GALNT17: variants seen among roughly 807,000 people sequenced by gnomAD.
GALNT17 encodes the protein UDP-GalNAc:polypeptide N-acetylgalactosaminyltransferase-like 3.
GALNT17 carries 29 observed loss-of-function variants against 63.7 expected under a neutral mutation model. The observed-to-expected ratio is 0.46, with a 90% CI of 0.34 to 0.62. The LOEUF is 0.62. Among genes scored for constraint, GALNT17 ranks in the 20% least tolerant of loss-of-function variants. The pLI is 0.01. For synonymous variants in GALNT17, 305 were observed against 318.3 expected (o/e 0.96, Z 0.45); for missense variants, 603 against 799.6 (o/e 0.75, Z 2.97).
At chr7:71,646,631 C>A (rs1584110583) in intron 6 of GALNT17, among the ~76,000 whole-genome samples, 1 of 152,076 alleles carries the variant, frequency 6.6e-6, no homozygotes, top group South Asian at 2.1e-4. Flanking sequence ...TTGGCTGTAA[C>A]AAAAGCAAGT....
At chr7:71,331,322 A>G (rs1315101553) in intron 1 of GALNT17, among the ~76,000 whole-genome samples, 1 of 152,118 alleles carries the variant, frequency 6.6e-6, no homozygotes, top group East Asian at 1.9e-4. Flanking sequence ...CATCTCTCGC[A>G]CAGGCTGCTG....
chr7:71,602,377 A>G (rs937346952), intron 6 of GALNT17, among the ~76,000 whole-genome samples: 19 of 152,166 alleles, frequency 1.2e-4, no homozygotes, highest in African/African-American at 3.6e-4. Flanking sequence ...CTCCCAGCAC[A>G]CACCCCAAAA....
At chr7:71,553,224 G>A (rs1562688237) in intron 5 of GALNT17, among the ~76,000 whole-genome samples, 1 of 152,000 alleles carries the variant, frequency 6.6e-6, no homozygotes, top group Non-Finnish European at 1.5e-5. Context: ...CTACTTTGGG[G>A]GCTGAGGTGG....
chr7:71,671,172 A>C (rs1052204437), intron 8 of GALNT17, among the ~76,000 whole-genome samples: 43 of 152,116 alleles, frequency 2.8e-4, no homozygotes, highest in Non-Finnish European at 7.3e-5. Flanking sequence ...TGCTGAGAAC[A>C]TCTTCATATA....
chr7:71,462,798 G>C (rs888986651), intron 5 of GALNT17, among the ~76,000 whole-genome samples: 9 of 152,194 alleles, frequency 5.9e-5, no homozygotes, highest in Admixed American at 2.0e-4. Context: ...TGAGCAGAGA[G>C]ATAACTTTGA....
intron 2 of GALNT17, among the ~76,000 whole-genome samples, chr7:71,358,022 A>C (rs1294294151): frequency 1.3e-5 from 2 of 152,240 alleles, no homozygotes; most frequent in Non-Finnish European, 2.9e-5. Flanking sequence ...CCCAGCCAGC[A>C]GCGGCAACCC....
intron 5 of GALNT17, among the ~76,000 whole-genome samples, chr7:71,551,584 G>A (rs1285309063): frequency 6.6e-6 from 1 of 151,934 alleles, no homozygotes; most frequent in Non-Finnish European, 1.5e-5. Context: ...GCAACATAGT[G>A]AAATACTGTC....
At chr7:71,262,204 T>C (rs1790397409) in intron 1 of GALNT17, among the ~76,000 whole-genome samples, 1 of 152,130 alleles carries the variant, frequency 6.6e-6, no homozygotes, top group Non-Finnish European at 1.5e-5. Flanking sequence ...TTCAAACTCC[T>C]GGGCTCAAGT....
At chr7:71,455,159 C>A (rs1469211468) in intron 5 of GALNT17, among the ~76,000 whole-genome samples, 1 of 148,826 alleles carries the variant, frequency 6.7e-6, no homozygotes, top group African/African-American at 2.5e-5. Context: ...AGAGCAAAAT[C>A]TTGTTTCAAA....
chr7:71,169,374 G>A (rs1788503904), intron 1 of GALNT17, among the ~76,000 whole-genome samples: 1 of 152,024 alleles, frequency 6.6e-6, no homozygotes, highest in Non-Finnish European at 1.5e-5. Flanking sequence ...CTGTCTCTTG[G>A]GGATAACTGT....
At chr7:71,280,726 C>G (rs1331302310) in intron 1 of GALNT17, among the ~76,000 whole-genome samples, 1 of 152,170 alleles carries the variant, frequency 6.6e-6, no homozygotes, top group Non-Finnish European at 1.5e-5. Context: ...ATTTTCACCC[C>G]TGGAGAAAGA....
At chr7:71,257,378 T>A (rs980342438) in intron 1 of GALNT17, among the ~76,000 whole-genome samples, 1 of 152,212 alleles carries the variant, frequency 6.6e-6, no homozygotes, top group Non-Finnish European at 1.5e-5. Flanking sequence ...AAATAAATTC[T>A]CCAAGTAGGT....
chr7:71,477,386 A>G (rs1203920848), intron 5 of GALNT17, among the ~76,000 whole-genome samples: 2 of 152,224 alleles, frequency 1.3e-5, no homozygotes, highest in African/African-American at 2.4e-5. Flanking sequence ...GTGCAAAGGC[A>G]TAAGATGTTA....
chr7:71,312,823 TA>T (rs1791433837), intron 1 of GALNT17, among the ~76,000 whole-genome samples: 2 of 152,146 alleles, frequency 1.3e-5, no homozygotes, highest in Admixed American at 1.3e-4. Context: ...ATTCAGCCCA[TA>T]ACAGCTTGTA....
intron 3 of GALNT17, among the ~76,000 whole-genome samples, chr7:71,390,248 C>T (rs1038601925): frequency 1.3e-5 from 2 of 152,120 alleles, no homozygotes; most frequent in African/African-American, 2.4e-5. Context: ...GGCAATGCCA[C>T]GGGTCCTGTT....
chr7:71,650,553 A>C (rs949209226), intron 6 of GALNT17, among the ~76,000 whole-genome samples: 8 of 152,204 alleles, frequency 5.3e-5, no homozygotes, highest in Non-Finnish European at 8.8e-5. Context: ...TATGCTCTTT[A>C]AAGGATGTGG....
intron 2 of GALNT17, among the ~76,000 whole-genome samples, chr7:71,383,156 T>C (rs1460433901): frequency 1.3e-5 from 2 of 152,182 alleles, no homozygotes; most frequent in Admixed American, 1.3e-4. Context: ...TTCATCCATG[T>C]GGTAGTATAT....
intron 1 of GALNT17, among the ~76,000 whole-genome samples, chr7:71,332,255 C>G (rs1193256725): frequency 6.6e-6 from 1 of 151,958 alleles, no homozygotes; most frequent in Non-Finnish European, 1.5e-5. Flanking sequence ...GCATATCCAT[C>G]TTCTTGTTTG....
chr7:71,224,196 T>C, intron 1 of GALNT17, among the ~76,000 whole-genome samples: 1 of 152,092 alleles, frequency 6.6e-6, no homozygotes, highest in Non-Finnish European at 1.5e-5. Flanking sequence ...GGTAGTCATA[T>C]GCCACCATGC....
Sources: gnomAD v4.1 joint callset for allele counts (sites outside exome capture counted in the v4.1 genomes callset) on GRCh38, gnomAD v4.1.1 for gene constraint, MANE v1.5 for transcripts, NCBI Gene and HGNC (gene_info 2026-07-23, HGNC 2026-07-21) for gene names.